Variants in UNC50 observed in about 807,000 individuals in gnomAD.
The protein encoded by UNC50 is unc-50 inner nuclear membrane RNA binding protein.
In UNC50, 24 loss-of-function variants were observed where a neutral mutation model predicts 31.5. The ratio of observed to expected loss-of-function variants is 0.76; its 90% CI spans 0.55 to 1.07. The LOEUF is 1.07. Among genes scored for constraint, UNC50 ranks in the 50% least tolerant of loss-of-function variants. The pLI is 0.00. For synonymous variants in UNC50, 118 were observed against 114.7 expected (o/e 1.03, Z -0.18); for missense variants, 245 against 304.2 (o/e 0.81, Z 1.45).
At chr2:98,609,321 A>C in intron 1 of UNC50, 1 of 198,474 alleles carries the variant, frequency 5.0e-6, no homozygotes, top group African/African-American at 2.3e-5. Flanking sequence ...CTGTGTGAAT[A>C]GGCCATTTAT....
intron 3 of UNC50, among the ~76,000 whole-genome samples, chr2:98,612,987 G>T (rs552878509): frequency 1.1e-4 from 17 of 152,354 alleles, no homozygotes; most frequent in African/African-American, 4.1e-4. Flanking sequence ...AGGCAGACTT[G>T]CTGGACACAG....
In UNC50 at chr2:98,618,227, C is replaced by T. The variant is rs1441056992; in HGVS notation, c.703C>T (p.Leu235Phe). The T allele has an allele frequency of 7.4e-6, 12 of 1,611,714 alleles. 1 individual carries two copies. The African/African-American group carries it at 1.5e-4, about 20-fold the overall frequency. Residue 235 changes from leucine to phenylalanine, a missense_variant, in exon 6 of 6, where the codon CTC becomes TTC. Transcript: ENST00000357765. ...LLYPFAPLIL[L>F]YGLSLALGWN... ...GTATCCATTTGCACCTCTGATTCTG[C>T]TCTACGGGCTTTCCCTGGCACTGGG...
chr2:98,614,835 A>C (rs1247768867), intron 3 of UNC50, among the ~76,000 whole-genome samples: 1 of 152,218 alleles, frequency 6.6e-6, no homozygotes, highest in Non-Finnish European at 1.5e-5. Context: ...AGATAACGAA[A>C]TGCAGGGACT....
chr2:98,608,589 G>A lies in UNC50; in HGVS notation c.-142G>A. 1.6e-6 allele frequency: 1 copy of A among 617,340 alleles called. No homozygotes were observed. The allele number at this position is 617,340 out of a possible 1,614,324, so 38.2% of individuals were successfully genotyped here. ...AGGTGGCGCGTCCGCGGCGGAAGTC[G>A]GTTCCCGTGACGCGGCGCGCCCCAA... On this transcript the variant is annotated 5_prime_UTR_variant, in exon 1 of 6. Coordinates refer to ENST00000357765, the MANE Select transcript of UNC50 (RefSeq NM_014044.7).
intron 3 of UNC50, 42 bp from the exon 4 acceptor site, chr2:98,616,165 G>T: frequency 6.3e-7 from 1 of 1,585,416 alleles, no homozygotes; most frequent in African/African-American, 1.4e-5. Context: ...AACATTTACA[G>T]AATTCATTTT....
In UNC50 at chr2:98,609,846, G is replaced by A. The variant is rs774403532; in HGVS notation, c.87G>A (p.Ala29=). Residue 29 remains alanine (A), a synonymous_variant, in exon 2 of 6, where the codon GCG becomes GCA. Coordinates refer to ENST00000357765, the MANE Select transcript of UNC50 (RefSeq NM_014044.7). ...SRDAARHTAG[A]KRYKYLRRLF... ...ATGCGGCAAGACACACAGCCGGAGC[G>A]AAACGCTACAAATATCTGAGAAGGC... 22 of 1,614,112 alleles carry A rather than the reference G, an allele frequency of 1.4e-5. No homozygotes were observed. The highest frequency in any genetic ancestry group is 1.8e-5 in the Non-Finnish European group (21 of 1,180,052).
At chr2:98,609,355 C>G (rs1230569722) in intron 1 of UNC50, 2 of 282,416 alleles carry the variant, frequency 7.1e-6, no homozygotes, top group Non-Finnish European at 1.4e-5. Flanking sequence ...TAACACTGTT[C>G]TAACCGGCTG....
chr2:98,611,914 C>T (rs985121713), intron 3 of UNC50, among the ~76,000 whole-genome samples: 1 of 150,738 alleles, frequency 6.6e-6, no homozygotes, highest in East Asian at 1.9e-4. Context: ...ACTTCTCATG[C>T]CTTCCTACTG....
chr2:98,611,010 CA>C, intron 3 of UNC50, 115 bp downstream of exon 3: 1 of 1,227,714 alleles, frequency 8.1e-7, no homozygotes, highest in Non-Finnish European at 1.1e-6. Context: ...ACTAAATGAT[CA>C]ATTTTGACTG....
At chr2:98,616,588 T>TCTGAGAAAA in intron 5 of UNC50, 55 bp downstream of exon 5, 1 of 1,423,632 alleles carries the variant, frequency 7.0e-7, no homozygotes, top group Non-Finnish European at 9.9e-7. Flanking sequence ...GGGGGAAAGT[T>TCTGAGAAAA]GTAACAGTAG....
chr2:98,617,726 G>A (rs1173761079), intron 5 of UNC50, among the ~76,000 whole-genome samples: 2 of 152,046 alleles, frequency 1.3e-5, no homozygotes, highest in Non-Finnish European at 2.9e-5. Flanking sequence ...TTAAAGTGGG[G>A]GTATAATGCT....
At chr2:98,611,460 A>G (rs1257709034) in intron 3 of UNC50, among the ~76,000 whole-genome samples, 2 of 152,246 alleles carry the variant, frequency 1.3e-5, no homozygotes, top group Non-Finnish European at 2.9e-5. Flanking sequence ...TTATGCCTTA[A>G]TCTGGCTCAG....
At position 98,618,166 on chromosome 2, in the gene UNC50, A is replaced by G; in HGVS notation, c.644-2A>G. 6.5e-7 allele frequency: 1 copy of G among 1,535,626 alleles called. No individual in the cohort carries two copies. Among genetic ancestry groups the G allele is most frequent in the South Asian group, 1.3e-5 (1 of 79,070 alleles). Reference sequence around the variant, plus strand: ...ATCAGTTTGGATTCCTTTCTTTTCCAGCATTGCCATTTTTGAAAAATACAG... The same window carrying G: ...ATCAGTTTGGATTCCTTTCTTTTCCGGCATTGCCATTTTTGAAAAATACAG... On this transcript the variant is annotated splice_acceptor_variant, in intron 5 of 5. Coordinates refer to ENST00000357765, the MANE Select transcript of UNC50 (RefSeq NM_014044.7). LOFTEE classifies it high-confidence loss of function.
In UNC50 at chr2:98,609,933, A is replaced by C. The variant is rs1700797171; in HGVS notation, c.174A>C (p.Thr58=). The C allele has an allele frequency of 1.2e-6, 2 of 1,614,098 alleles. No homozygotes were observed. Among genetic ancestry groups the C allele is most frequent in the African/African-American group, 2.7e-5 (2 of 74,926 alleles). ...CCTGGCAGATGCTCTACCTGTTCAC[A>C]TCCCCACAGAGAGTTTACAGAAATT... ...FAAWQMLYLF[T]SPQRVYRNFH... Residue 58 remains threonine (T), a synonymous_variant, in exon 2 of 6, where the codon ACA becomes ACC. Transcript: ENST00000357765.
At chr2:98,615,569 C>T (rs1700906728) in intron 3 of UNC50, among the ~76,000 whole-genome samples, 1 of 152,186 alleles carries the variant, frequency 6.6e-6, no homozygotes, top group Admixed American at 6.5e-5. Context: ...GTGTGTGCCA[C>T]ATCTTAGCAC....
chr2:98,616,359 T>TTA lies in UNC50; in HGVS notation c.541+13_541+14insTA, dbSNP rs1700920673. ...TTTTTCATCAACCGTAAGTAGCAGT[T>TTA]AATTAGAGTATTATCCAAGTCTTCA... On this transcript the variant is annotated intron_variant, in intron 4 of 5. Coordinates refer to ENST00000357765, the MANE Select transcript of UNC50 (RefSeq NM_014044.7). 3.1e-6 allele frequency: 5 copies of TTA among 1,613,844 alleles called. No homozygotes were observed. In the East Asian group the frequency reaches 8.9e-5, roughly 29 times the overall value.
chr2:98,618,026 A>G (rs998945906), intron 5 of UNC50, 142 bp from the exon 6 acceptor site: 13 of 909,468 alleles, frequency 1.4e-5, no homozygotes, highest in African/African-American at 6.8e-5. Flanking sequence ...AGTTCTGGGC[A>G]TAAATAGCAT....
At chr2:98,614,473 C>T (rs1449852405) in intron 3 of UNC50, among the ~76,000 whole-genome samples, 1 of 152,084 alleles carries the variant, frequency 6.6e-6, no homozygotes, top group East Asian at 1.9e-4. Flanking sequence ...AAAAGAAGGT[C>T]AGTAGACACT....
intron 5 of UNC50, 56 bp downstream of exon 5, chr2:98,616,589 G>T: frequency 7.2e-7 from 1 of 1,388,828 alleles, no homozygotes; most frequent in Non-Finnish European, 1.0e-6. Context: ...GGGGAAAGTT[G>T]TAACAGTAGT....
Sources: allele counts gnomAD v4.1 joint callset (sites outside exome capture counted in the v4.1 genomes callset), GRCh38; gene constraint gnomAD v4.1.1; transcripts MANE v1.5; gene names NCBI Gene and HGNC (gene_info 2026-07-23, HGNC 2026-07-21).